The following PRKCA variants were observed in gnomAD, a reference collection of about 807,000 sequenced individuals.
PRKCA encodes protein kinase C alpha.
Under a neutral mutation model 87.0 loss-of-function variants are expected in PRKCA, and 27 were observed. The observed-to-expected ratio is 0.31, with a 90% CI of 0.23 to 0.43. The LOEUF (loss-of-function observed/expected upper bound fraction) is 0.43. PRKCA is among the 20% of genes least tolerant of loss of function. The pLI, the probability that PRKCA is intolerant of heterozygous loss-of-function variation, is 1.00. For synonymous variants in PRKCA, 329 were observed against 311.1 expected, an observed-to-expected ratio of 1.06 and a Z score of -0.61; for missense variants, 518 against 852.3, an observed-to-expected ratio of 0.61 and a Z score of 4.88.
At chr17:66,711,700 C>T (rs1256327198) in intron 8 of PRKCA, among the ~76,000 whole-genome samples, 1 of 152,124 alleles carries the variant, frequency 6.6e-6, no homozygotes, top group African/African-American at 2.4e-5. Context: ...CCCTCAAATG[C>T]TCGGGTGGAG....
At chr17:66,728,024 C>T (rs765569504) in intron 8 of PRKCA, among the ~76,000 whole-genome samples, 1 of 152,202 alleles carries the variant, frequency 6.6e-6, no homozygotes, top group Admixed American at 6.5e-5. Context: ...GGCCCAGACC[C>T]CTGAGGTTGC....
chr17:66,670,209 C>T lies in PRKCA; in HGVS notation c.530-16902C>T, dbSNP rs560219581. Reference sequence around the variant, plus strand: ...TTATTTAAAGGCGAGCTAAAGAGGACGGCAAGATGAAGTAAAATTAAAAGT... The same window carrying T: ...TTATTTAAAGGCGAGCTAAAGAGGATGGCAAGATGAAGTAAAATTAAAAGT... On this transcript the variant is annotated intron_variant, in intron 5 of 16. Coordinates refer to ENST00000413366, the MANE Select transcript of PRKCA (RefSeq NM_002737.3). Among the ~76,000 whole-genome samples, 67 of 152,104 alleles carry T rather than the reference C, an allele frequency of 4.4e-4. No homozygotes were observed. The South Asian group carries it at 4.8e-3, about 11-fold the overall frequency.
chr17:66,451,342 G>GAATTAATTAATT (rs561215714), intron 2 of PRKCA, among the ~76,000 whole-genome samples: 9 of 130,692 alleles, frequency 6.9e-5, no homozygotes, highest in African/African-American at 2.3e-4. Context: ...TACGGAGTTA[G>GAATTAATTAATT]AATTTATTTA....
chr17:66,518,839 G>C (rs1332265908), intron 3 of PRKCA, among the ~76,000 whole-genome samples: 1 of 152,174 alleles, frequency 6.6e-6, no homozygotes, highest in Non-Finnish European at 1.5e-5. Flanking sequence ...TGATGCTGCT[G>C]TTGTCATGGA....
chr17:66,393,483 A>G (rs752769927), intron 2 of PRKCA, among the ~76,000 whole-genome samples: 3 of 152,054 alleles, frequency 2.0e-5, no homozygotes, highest in African/African-American at 7.2e-5. Context: ...ACACTCCCCA[A>G]ATGTGTGCTG....
At chr17:66,509,935 C>G (rs1196454295) in intron 3 of PRKCA, among the ~76,000 whole-genome samples, 1 of 152,178 alleles carries the variant, frequency 6.6e-6, no homozygotes, top group Non-Finnish European at 1.5e-5. Flanking sequence ...GTCTTTGATT[C>G]CCTAAAGAAA....
At chr17:66,732,617 A>G in intron 8 of PRKCA, 71 bp from the exon 9 acceptor site, 1 of 1,589,412 alleles carries the variant, frequency 6.3e-7, no homozygotes, top group Non-Finnish European at 8.6e-7. Flanking sequence ...CTCAGTTACA[A>G]CACGGTGGTT....
At chr17:66,753,266 AGAC>A (rs1974476722) in intron 13 of PRKCA, among the ~76,000 whole-genome samples, 1 of 152,160 alleles carries the variant, frequency 6.6e-6, no homozygotes, top group Non-Finnish European at 1.5e-5. Flanking sequence ...GACCCCTTTT[AGAC>A]AACAACCTGG....
intron 2 of PRKCA, among the ~76,000 whole-genome samples, chr17:66,318,873 C>T (rs764806649): frequency 5.9e-5 from 9 of 151,748 alleles, no homozygotes; most frequent in Non-Finnish European, 1.0e-4. Context: ...AAAGACTTGC[C>T]GTGGTGGCTG....
chr17:66,500,161 G>T (rs1312176997), intron 3 of PRKCA, among the ~76,000 whole-genome samples: 1 of 152,130 alleles, frequency 6.6e-6, no homozygotes, highest in Non-Finnish European at 1.5e-5. Context: ...AGGAAGCAGA[G>T]CCCAGCTGGT....
At chr17:66,419,759 T>C (rs943899558) in intron 2 of PRKCA, among the ~76,000 whole-genome samples, 2 of 152,144 alleles carry the variant, frequency 1.3e-5, no homozygotes, top group Non-Finnish European at 2.9e-5. Flanking sequence ...TTATGCTTCA[T>C]ATGTTAAAGA....
rs1972005955 is a variant in PRKCA, at chr17:66,664,895, C to T, written c.529+19384C>T. Among the ~76,000 whole-genome samples, 3 of 152,212 alleles carry T rather than the reference C, an allele frequency of 2.0e-5. No individual in the cohort carries two copies. The South Asian group carries it at 6.2e-4, about 32-fold the overall frequency. On this transcript the variant is annotated intron_variant, in intron 5 of 16. Coordinates refer to ENST00000413366, the MANE Select transcript of PRKCA (RefSeq NM_002737.3). ...CCTCAAGCAATCTTCCCACCCCAGT[C>T]TACCAAAGTGATGGGATTACAGGTG...
At chr17:66,639,626 G>C (rs1321490982) in intron 3 of PRKCA, among the ~76,000 whole-genome samples, 1 of 152,042 alleles carries the variant, frequency 6.6e-6, no homozygotes, top group African/African-American at 2.4e-5. Context: ...GATCTCAGGT[G>C]ATCTGACTGC....
chr17:66,678,507 C>G (rs1199523324), intron 5 of PRKCA, among the ~76,000 whole-genome samples: 2 of 152,204 alleles, frequency 1.3e-5, no homozygotes, highest in Non-Finnish European at 2.9e-5. Flanking sequence ...GTCCTGTGAT[C>G]TGAACTGGGG....
At chr17:66,447,738 C>A (rs891260617) in intron 2 of PRKCA, among the ~76,000 whole-genome samples, 1 of 152,180 alleles carries the variant, frequency 6.6e-6, no homozygotes, top group African/African-American at 2.4e-5. Flanking sequence ...GCCCCCTGGC[C>A]CTTTGTGCTC....
chr17:66,711,798 A>T (rs188901578), intron 8 of PRKCA, among the ~76,000 whole-genome samples: 2 of 152,344 alleles, frequency 1.3e-5, no homozygotes, highest in East Asian at 3.9e-4. Flanking sequence ...TAAAGACAGC[A>T]TCTAATAAAT....
At chr17:66,453,811 T>C (rs143046016) in intron 2 of PRKCA, among the ~76,000 whole-genome samples, 1 of 152,334 alleles carries the variant, frequency 6.6e-6, no homozygotes, top group African/African-American at 2.4e-5. Context: ...CACGCAGATA[T>C]TTTTTAAGGT....
rs553710145 is a variant in PRKCA, at chr17:66,633,842, G to A, written c.289-7513G>A. On this transcript the variant is annotated intron_variant, in intron 3 of 16. Transcript: ENST00000413366. ...TTGCCTGCCTCCTGGTGTGAAGGGA[G>A]CGTTAACTCCTCTAGAGATTTCACA... Among the ~76,000 whole-genome samples, 47 of 152,342 alleles carry A rather than the reference G, an allele frequency of 3.1e-4. No homozygotes were observed. In the South Asian group the frequency reaches 9.7e-3, roughly 32 times the overall value.
In PRKCA at chr17:66,587,708, C is replaced by T. The variant is rs555202283; in HGVS notation, c.289-53647C>T. On this transcript the variant is annotated intron_variant, in intron 3 of 16. Transcript: ENST00000413366. Reference sequence around the variant, plus strand: ...GTGTGTGTATATGTATACATATATACGTATATGTGTGTATATGTATACATA... The same window carrying T: ...GTGTGTGTATATGTATACATATATATGTATATGTGTGTATATGTATACATA... Among the ~76,000 whole-genome samples the T allele has an allele frequency of 1.7e-3, 176 of 105,586 alleles. 9 individuals carry two copies. The highest frequency in any genetic ancestry group is 6.2e-3 in the African/African-American group (163 of 26,266). 69.3% of individuals were successfully genotyped at this position (105,586 alleles called of 152,430 possible).
Sources: gnomAD v4.1 joint callset for allele counts (sites outside exome capture counted in the v4.1 genomes callset) on GRCh38, gnomAD v4.1.1 for gene constraint, MANE v1.5 for transcripts, NCBI Gene and HGNC (gene_info 2026-07-23, HGNC 2026-07-21) for gene names.